Variants in LRRC28 observed in about 807,000 individuals in gnomAD.
LRRC28 encodes the protein leucine-rich repeat-containing protein 28.
Under a neutral mutation model 45.7 loss-of-function variants are expected in LRRC28, and 39 were observed. The ratio of observed to expected loss-of-function variants is 0.85; its 90% CI spans 0.66 to 1.12. LRRC28 has a LOEUF of 1.12. Among genes scored for constraint, LRRC28 ranks in the 50% most tolerant of loss-of-function variants. LRRC28 has a pLI of 0.00. For synonymous variants in LRRC28, 206 were observed against 178.8 expected, an observed-to-expected ratio of 1.15 and a Z score of -1.22; for missense variants, 435 against 438.5, an observed-to-expected ratio of 0.99 and a Z score of 0.07.
At chr15:99,285,456 C>T (rs1246297747) in intron 3 of LRRC28, 26 of 843,180 alleles carry the variant, frequency 3.1e-5, no homozygotes, top group Non-Finnish European at 4.5e-5. Context: ...CCACACAGTC[C>T]GTGAGCGTTC....
chr15:99,350,247 TG>T (rs975458952), intron 6 of LRRC28, among the ~76,000 whole-genome samples: 1 of 152,182 alleles, frequency 6.6e-6, no homozygotes, highest in Non-Finnish European at 1.5e-5. Context: ...TTGCTTCCTA[TG>T]GGGAAGCAGA....
chr15:99,376,460 G>A (rs1373259278), intron 9 of LRRC28, among the ~76,000 whole-genome samples: 1 of 152,078 alleles, frequency 6.6e-6, no homozygotes, highest in Non-Finnish European at 1.5e-5. Flanking sequence ...GTTTAGTACT[G>A]TAAGTTTTCC....
At chr15:99,288,447 T>C (rs2082019925) in intron 5 of LRRC28, among the ~76,000 whole-genome samples, 1 of 135,772 alleles carries the variant, frequency 7.4e-6, no homozygotes, top group South Asian at 2.5e-4. Flanking sequence ...AGTGGCACAA[T>C]CTCAGCTCAC....
At chr15:99,319,296 G>A (rs1258648542) in intron 5 of LRRC28, among the ~76,000 whole-genome samples, 4 of 152,078 alleles carry the variant, frequency 2.6e-5, no homozygotes, top group South Asian at 2.1e-4. Context: ...ATTGACCATC[G>A]CTAAAATAAA....
chr15:99,296,086 TG>T (rs1225905550), intron 5 of LRRC28, among the ~76,000 whole-genome samples: 2 of 152,232 alleles, frequency 1.3e-5, no homozygotes, highest in African/African-American at 4.8e-5. Flanking sequence ...CTAGGGCTTC[TG>T]CTGTTGCTTA....
intron 5 of LRRC28, among the ~76,000 whole-genome samples, chr15:99,296,599 G>A (rs12592075): frequency 0.36 from 54,168 of 152,018 alleles, 10,730 homozygotes; most frequent in African/African-American, 0.54. Flanking sequence ...TCACCAGGCT[G>A]TATATGTGTG....
chr15:99,359,471 G>T (rs781434000), intron 7 of LRRC28, among the ~76,000 whole-genome samples: 1 of 152,174 alleles, frequency 6.6e-6, no homozygotes, highest in Non-Finnish European at 1.5e-5. Flanking sequence ...AACCAAGGAG[G>T]CATTTCCATT....
At chr15:99,362,211 A>G (rs1957223757) in intron 8 of LRRC28, among the ~76,000 whole-genome samples, 1 of 152,246 alleles carries the variant, frequency 6.6e-6, no homozygotes, top group South Asian at 2.1e-4. Context: ...GAGTCCATAC[A>G]AAAACATCTC....
At chr15:99,356,203 A>G (rs1304350540) in intron 7 of LRRC28, among the ~76,000 whole-genome samples, 1 of 152,236 alleles carries the variant, frequency 6.6e-6, no homozygotes, top group Non-Finnish European at 1.5e-5. Flanking sequence ...AGACATGTAA[A>G]GAATCAGGAA....
At chr15:99,300,710 C>T (rs1294967271) in intron 5 of LRRC28, among the ~76,000 whole-genome samples, 3 of 152,138 alleles carry the variant, frequency 2.0e-5, no homozygotes, top group Non-Finnish European at 4.4e-5. Context: ...CCTGTAATCC[C>T]AGCCCCTCAG....
At chr15:99,290,485 A>C (rs746943544) in intron 5 of LRRC28, among the ~76,000 whole-genome samples, 1 of 152,182 alleles carries the variant, frequency 6.6e-6, no homozygotes, top group African/African-American at 2.4e-5. Context: ...AGATACACAG[A>C]AAATGAGATA....
chr15:99,379,488 C>A (rs1338216895), intron 9 of LRRC28, among the ~76,000 whole-genome samples: 1 of 152,116 alleles, frequency 6.6e-6, no homozygotes, highest in Non-Finnish European at 1.5e-5. Flanking sequence ...TTTCAAAAAA[C>A]CAGCTCCTGG....
intron 6 of LRRC28, among the ~76,000 whole-genome samples, chr15:99,346,626 TGAA>T (rs1166593347): frequency 6.6e-6 from 1 of 152,114 alleles, no homozygotes; most frequent in Non-Finnish European, 1.5e-5. Context: ...TTAAAGTACT[TGAA>T]AAAATATCAA....
At chr15:99,289,925 G>A (rs1299059059) in intron 5 of LRRC28, among the ~76,000 whole-genome samples, 1 of 95,368 alleles carries the variant, frequency 1.0e-5, no homozygotes, top group Non-Finnish European at 1.9e-5. Flanking sequence ...GGGCGACAGA[G>A]CAAGACTCCG....
chr15:99,372,765 C>T (rs989547107), intron 9 of LRRC28, among the ~76,000 whole-genome samples: 6 of 152,110 alleles, frequency 3.9e-5, no homozygotes, highest in Non-Finnish European at 7.4e-5. Flanking sequence ...TGTTTTAGTC[C>T]GTTCTTATGC....
At chr15:99,273,393 C>T (rs1244782282) in intron 2 of LRRC28, among the ~76,000 whole-genome samples, 9 of 152,048 alleles carry the variant, frequency 5.9e-5, no homozygotes, top group East Asian at 5.8e-4. Context: ...CTCACCACCA[C>T]GCCCGGCTAA....
intron 5 of LRRC28, among the ~76,000 whole-genome samples, chr15:99,303,701 G>C (rs1242479620): frequency 6.6e-6 from 1 of 152,076 alleles, no homozygotes; most frequent in Non-Finnish European, 1.5e-5. Context: ...GGGCGTGGTG[G>C]TGCATGCCTG....
chr15:99,348,984 TC>T (rs1295851605), intron 6 of LRRC28, among the ~76,000 whole-genome samples: 2 of 152,112 alleles, frequency 1.3e-5, no homozygotes, highest in Non-Finnish European at 2.9e-5. Context: ...AGTGTACAAA[TC>T]TTTTTACCTC....
intron 2 of LRRC28, among the ~76,000 whole-genome samples, chr15:99,263,289 A>G (rs2081249200): frequency 6.7e-6 from 1 of 148,896 alleles, no homozygotes; most frequent in African/African-American, 2.5e-5. Flanking sequence ...ACTCCACGCC[A>G]GCCTGGGTGA....
Sources: allele counts gnomAD v4.1 joint callset (sites outside exome capture counted in the v4.1 genomes callset), GRCh38; gene constraint gnomAD v4.1.1; transcripts MANE v1.5; gene names NCBI Gene and HGNC (gene_info 2026-07-23, HGNC 2026-07-21).